ACAT2: variants seen among roughly 807,000 people sequenced by gnomAD.
The protein encoded by ACAT2 is acetyl-CoA acetyltransferase 2, also known as acetyl-CoA acetyltransferase, cytosolic.
ACAT2 carries 26 observed loss-of-function variants against 37.1 expected under a neutral mutation model. That is an observed-to-expected ratio of 0.70 (90% confidence interval 0.51 to 0.97). The LOEUF (loss-of-function observed/expected upper bound fraction) is 0.97. Ranked by LOEUF, ACAT2 falls within the 50% of genes least tolerant of loss-of-function variation. The pLI is 0.00. For synonymous variants in ACAT2, 156 were observed against 163.6 expected (o/e 0.95, Z 0.35); for missense variants, 468 against 489.0 (o/e 0.96, Z 0.40).
chr6:159,777,369 A>G lies in ACAT2; in HGVS notation c.825A>G (p.Thr275=). The stretch of plus-strand genomic sequence containing the variant: ...CAGAAGCTGATAAACGTGGGCTTAC[A>G]CCTTTAGCACGGATAGTTTCCTGGT... ...KKSEADKRGL[T]PLARIVSWSQ... The change falls in exon 7 of 9, where the codon ACA becomes ACG. Residue 275 remains threonine, a synonymous_variant. Transcript: ENST00000367048. 1 of 1,614,174 alleles carries G rather than the reference A, an allele frequency of 6.2e-7. No individual in the cohort carries two copies. Among genetic ancestry groups the G allele is most frequent in the Non-Finnish European group, 8.5e-7 (1 of 1,180,022 alleles).
intron 8 of ACAT2, 151 bp downstream of exon 8, chr6:159,778,431 A>G: frequency 3.6e-6 from 1 of 279,154 alleles, no homozygotes; most frequent in Non-Finnish European, 6.5e-6. Flanking sequence ...GTTTAAAAAA[A>G]AAAAAAAAAA....
At chr6:159,762,574 C>T in intron 1 of ACAT2, 1 of 1,345,984 alleles carries the variant, frequency 7.4e-7, no homozygotes, top group Non-Finnish European at 9.7e-7. Flanking sequence ...GTCGTGACTT[C>T]GTCTCCTTCG....
Position 159,778,754 on chromosome 6 carries a change from G to C in ACAT2, c.1119G>C (p.Met373Ile). 6.2e-7 allele frequency: 1 copy of C among 1,614,224 alleles called. No homozygotes were observed. Among genetic ancestry groups the C allele is most frequent in the Non-Finnish European group, 8.5e-7 (1 of 1,180,036 alleles). The change falls in exon 9 of 9, where the codon ATG becomes ATC. Residue 373 changes from methionine to isoleucine, a missense_variant. Met to Ile is a conservative substitution (Grantham distance 10). Coordinates refer to ENST00000367048, the MANE Select transcript of ACAT2 (RefSeq NM_005891.3). ...LVTLLHTLER[M>I]GRSRGVAALC... Reference sequence around the variant, plus strand: ...CCCTGTTACACACACTGGAGAGAATGGGCAGAAGTCGTGGTGTTGCAGCCC... The same window carrying C: ...CCCTGTTACACACACTGGAGAGAATCGGCAGAAGTCGTGGTGTTGCAGCCC...
Position 159,762,082 on chromosome 6 carries a change from A to G in ACAT2, c.-6A>G. 2.5e-6 allele frequency: 4 copies of G among 1,612,930 alleles called. No individual in the cohort carries two copies. Among genetic ancestry groups the G allele is most frequent in the Non-Finnish European group, 2.5e-6 (3 of 1,179,500 alleles). On this transcript the variant is annotated 5_prime_UTR_variant, in exon 1 of 9. Transcript: ENST00000367048. Reference sequence around the variant, plus strand: ...GCGCAGGGCAGACGGCGGCAGGAGAAGCAAGATGAATGCAGGCTCAGATCC... The same window carrying G: ...GCGCAGGGCAGACGGCGGCAGGAGAGGCAAGATGAATGCAGGCTCAGATCC...
intron 4 of ACAT2, among the ~76,000 whole-genome samples, chr6:159,771,703 A>AATGAATT (rs1314686790): frequency 1.3e-5 from 2 of 151,930 alleles, no homozygotes; most frequent in African/African-American, 4.8e-5. Context: ...GATGAAGGAA[A>AATGAATT]ATGAATTGCC....
chr6:159,775,999 A>G (rs1780406770), intron 5 of ACAT2, 151 bp from the exon 6 acceptor site: 4 of 767,190 alleles, frequency 5.2e-6, no homozygotes, highest in Admixed American at 2.7e-5. Context: ...TCTTGTGTGT[A>G]CTTTCCTCCT....
intron 5 of ACAT2, 137 bp from the exon 6 acceptor site, chr6:159,776,013 G>A (rs901209970): frequency 2.2e-6 from 2 of 893,704 alleles, no homozygotes; most frequent in South Asian, 3.4e-5. Context: ...TCCTCCTGTT[G>A]TCATCAAAGT....
rs777783050 is a variant in ACAT2 at position 159,778,873 on chromosome 6, A to G, written c.*44A>G. 11 of 1,612,416 alleles carry G rather than the reference A, an allele frequency of 6.8e-6. No homozygotes were observed. In the African/African-American group the frequency reaches 1.1e-4, roughly 16 times the overall value. ...AACCTCAATTTCTTTTTAAACTAAT[A>G]AAGTACTAGGTTGCAATATGTGAAA... is the stretch of plus-strand genomic sequence containing the variant. On this transcript the variant is annotated 3_prime_UTR_variant, in exon 9 of 9. Transcript: ENST00000367048.
intron 4 of ACAT2, 50 bp from the exon 5 acceptor site, chr6:159,775,120 A>G (rs1386247909): frequency 6.2e-7 from 1 of 1,601,360 alleles, no homozygotes; most frequent in Non-Finnish European, 8.5e-7. Flanking sequence ...GAGCTATCAA[A>G]TGCCAGTTCA....
chr6:159,764,557 ACCT>A (rs1225356639), intron 2 of ACAT2, among the ~76,000 whole-genome samples: 3 of 151,976 alleles, frequency 2.0e-5, no homozygotes, highest in Non-Finnish European at 4.4e-5. Flanking sequence ...GTATCCTCCC[ACCT>A]CAGCCTCTGG....
chr6:159,778,462 C>G, intron 8 of ACAT2, 182 bp downstream of exon 8: 3 of 560,266 alleles, frequency 5.4e-6, no homozygotes, highest in African/African-American at 2.1e-5. Context: ...CATTGGCTTA[C>G]TTGGCATAAA....
At chr6:159,775,119 A>G (rs1402926249) in intron 4 of ACAT2, 51 bp from the exon 5 acceptor site, 3 of 1,600,678 alleles carry the variant, frequency 1.9e-6, no homozygotes, top group Non-Finnish European at 2.6e-6. Flanking sequence ...TGAGCTATCA[A>G]ATGCCAGTTC....
At position 159,778,267 on chromosome 6, in the gene ACAT2, T is replaced by A; in HGVS notation, c.1010T>A (p.Leu337Ter). ...VSAAIVKELG[L>*]NPEKVNIEGG... ...GCTGCAATAGTTAAAGAACTTGGAT[T>A]AAACCCAGAGAAGGTAAAGATGCAC... Residue 337 changes from leucine to a stop codon, truncating the protein, a stop_gained, in exon 8 of 9, where the codon TTA becomes TAA. Coordinates refer to ENST00000367048, the MANE Select transcript of ACAT2 (RefSeq NM_005891.3). LOFTEE classifies it high-confidence loss of function. 6.2e-7 allele frequency: 1 copy of A among 1,606,746 alleles called. No individual in the cohort carries two copies.
In ACAT2 at chr6:159,771,136, C is replaced by T. The variant is rs1780329980; in HGVS notation, c.490+2508C>T. 5.3e-5 allele frequency among the ~76,000 whole-genome samples: 8 copies of T among 151,944 alleles called. No individual in the cohort carries two copies. In the South Asian group the frequency reaches 1.5e-3, roughly 28 times the overall value. ...GTGGCTCATGCCTGTAATCCCAGCA[C>T]TTTGGGAGGTCAATGCAGGCAGATC... On this transcript the variant is annotated intron_variant, in intron 4 of 8. Coordinates refer to ENST00000367048, the MANE Select transcript of ACAT2 (RefSeq NM_005891.3).
chr6:159,764,984 C>T (rs1325446534), intron 2 of ACAT2, among the ~76,000 whole-genome samples: 2 of 152,180 alleles, frequency 1.3e-5, no homozygotes, highest in Admixed American at 1.3e-4. Context: ...GTTTATTGAG[C>T]ACCTACTTTG....
At chr6:159,776,512 A>G (rs1325290315) in intron 6 of ACAT2, among the ~76,000 whole-genome samples, 1 of 152,162 alleles carries the variant, frequency 6.6e-6, no homozygotes, top group Admixed American at 6.5e-5. Flanking sequence ...ATGAGCCACC[A>G]CACCCAACTC....
chr6:159,767,240 G>A (rs1201010847), intron 3 of ACAT2, 54 bp downstream of exon 3: 2 of 1,579,122 alleles, frequency 1.3e-6, no homozygotes, highest in Non-Finnish European at 1.7e-6. Flanking sequence ...AGAAACTCAT[G>A]TCTATGCCAG....
rs764748814 is a variant in ACAT2, at chr6:159,767,026, G to A, written c.212G>A (p.Arg71Lys). The A allele has an allele frequency of 6.2e-7, 1 of 1,614,058 alleles. No homozygotes were observed. The change falls in exon 3 of 9, where the codon AGA becomes AAA. Residue 71 changes from arginine to lysine, a missense_variant. Transcript: ENST00000367048. The stretch of plus-strand genomic sequence containing the variant: ...CTAGGCTGTGGGCAGAATCCTGTTA[G>A]ACAAGCCAGTGTGGGTGCAGGAATT... ...LAAGCGQNPV[R>K]QASVGAGIPY...
At chr6:159,766,748 T>C (rs771895916) in intron 2 of ACAT2, among the ~76,000 whole-genome samples, 2 of 152,192 alleles carry the variant, frequency 1.3e-5, no homozygotes, top group Non-Finnish European at 2.9e-5. Flanking sequence ...TCTTAATGTA[T>C]TAATGACTTA....
Sources: allele counts gnomAD v4.1 joint callset (sites outside exome capture counted in the v4.1 genomes callset), GRCh38; gene constraint gnomAD v4.1.1; transcripts MANE v1.5; gene names NCBI Gene and HGNC (gene_info 2026-07-23, HGNC 2026-07-21).